Variants in OLFM3 observed in about 807,000 individuals in gnomAD.
OLFM3 encodes the protein olfactomedin 3.
A neutral mutation model predicts 48.6 loss-of-function variants in OLFM3; 20 were observed. That is an observed-to-expected ratio of 0.41 (90% CI 0.29 to 0.60). The LOEUF is 0.60. Ranked by LOEUF, OLFM3 falls within the 20% of genes least tolerant of loss-of-function variation. The probability of loss-of-function intolerance (pLI) is 0.28; values close to 1 mark genes in which losing one functional copy is unlikely to be tolerated. For synonymous variants in OLFM3, 222 were observed against 198.1 expected, an observed-to-expected ratio of 1.12 and a Z score of -1.01; for missense variants, 437 against 544.3, an observed-to-expected ratio of 0.80 and a Z score of 1.96.
chr1:101,970,079 G>C (rs954920021), intron 1 of OLFM3, among the ~76,000 whole-genome samples: 2 of 150,888 alleles, frequency 1.3e-5, no homozygotes, highest in African/African-American at 4.9e-5. Flanking sequence ...GCAGTGGCTT[G>C]ATCTCAGCTC....
chr1:101,850,203 T>C (rs910095360), intron 1 of OLFM3, among the ~76,000 whole-genome samples: 1 of 152,114 alleles, frequency 6.6e-6, no homozygotes. Context: ...TCACAAAAAA[T>C]GTGACCTGAC....
At chr1:101,894,525 A>G (rs929515849) in intron 1 of OLFM3, among the ~76,000 whole-genome samples, 1 of 152,306 alleles carries the variant, frequency 6.6e-6, no homozygotes, top group Admixed American at 6.5e-5. Flanking sequence ...ATTTTCCAGT[A>G]GATTGACTTT....
intron 1 of OLFM3, among the ~76,000 whole-genome samples, chr1:101,873,449 A>G (rs1467327787): frequency 6.6e-6 from 1 of 151,888 alleles, no homozygotes; most frequent in Non-Finnish European, 1.5e-5. Flanking sequence ...AGATAAACAT[A>G]TACATTATAA....
intron 4 of OLFM3, among the ~76,000 whole-genome samples, chr1:101,815,239 G>T (rs1244997137): frequency 6.6e-6 from 1 of 152,054 alleles, no homozygotes; most frequent in Non-Finnish European, 1.5e-5. Flanking sequence ...AAGGTCAGGA[G>T]ATCGAGACCA....
chr1:101,824,808 C>G (rs1462465826), intron 4 of OLFM3, among the ~76,000 whole-genome samples: 8 of 152,114 alleles, frequency 5.3e-5, no homozygotes, highest in African/African-American at 1.9e-4. Context: ...TTTGAAGCCA[C>G]CAAATGGTAA....
intron 1 of OLFM3, among the ~76,000 whole-genome samples, chr1:101,924,893 A>G (rs1659219709): frequency 6.6e-6 from 1 of 152,220 alleles, no homozygotes; most frequent in Non-Finnish European, 1.5e-5. Context: ...TCATAGATGA[A>G]TAAGCTACCC....
At chr1:101,979,799 G>C (rs1322084263) in intron 1 of OLFM3, among the ~76,000 whole-genome samples, 3 of 152,164 alleles carry the variant, frequency 2.0e-5, no homozygotes, top group Non-Finnish European at 2.9e-5. Context: ...CCCCCAGAAT[G>C]GTAGATCCCC....
chr1:101,860,693 T>C (rs1359464848), intron 1 of OLFM3, among the ~76,000 whole-genome samples: 4 of 152,096 alleles, frequency 2.6e-5, no homozygotes, highest in Admixed American at 1.3e-4. Context: ...TTTTACATGA[T>C]ATTAACTTCC....
intron 1 of OLFM3, among the ~76,000 whole-genome samples, chr1:101,973,258 G>A (rs1660860173): frequency 6.6e-6 from 1 of 152,196 alleles, no homozygotes; most frequent in Non-Finnish European, 1.5e-5. Context: ...GAACCAGGTG[G>A]GGTGCTGGTG....
intron 1 of OLFM3, among the ~76,000 whole-genome samples, chr1:101,957,340 A>G (rs1198099084): frequency 6.6e-6 from 1 of 151,998 alleles, no homozygotes; most frequent in Non-Finnish European, 1.5e-5. Context: ...CTACAAGTCA[A>G]TTTATATTTT....
At position 101,804,763 on chromosome 1, in the gene OLFM3, A is replaced by C. The variant is rs1398269464; in HGVS notation, c.852T>G (p.Phe284Leu). The C allele has an allele frequency of 6.2e-7, 1 of 1,612,686 alleles. No homozygotes were observed. The highest frequency in any genetic ancestry group is 1.7e-5 in the Admixed American group (1 of 59,824). ...NHVVYNGSLY[F>L]NKYQSNIIIK... is the part of the protein sequence containing the mutation. ...TGATGATATTACTCTGATACTTGTT[A>C]AAATAGAGTGAGCCATTGTAGACAA... The change falls in exon 6 of 6, where the codon TTT becomes TTG. Residue 284 changes from phenylalanine to leucine, a missense_variant. Physicochemically the swap from Phe to Leu is conservative, Grantham distance 22. This residue lies in a region of OLFM3 where 314 missense variants were observed against 365.5 expected (regional missense o/e 0.86). Coordinates refer to ENST00000370103, the MANE Select transcript of OLFM3 (RefSeq NM_058170.4). The surrounding 1 kb of genome is among the most constrained non-coding windows in gnomAD (Gnocchi z 4.5).
At chr1:101,992,048 T>C (rs888082698) in intron 1 of OLFM3, among the ~76,000 whole-genome samples, 1 of 152,154 alleles carries the variant, frequency 6.6e-6, no homozygotes, top group Non-Finnish European at 1.5e-5. Flanking sequence ...CTCCTCATTC[T>C]ATAGGTATGG....
At chr1:101,983,255 A>G (rs1007710571) in intron 1 of OLFM3, among the ~76,000 whole-genome samples, 1 of 152,198 alleles carries the variant, frequency 6.6e-6, no homozygotes, top group African/African-American at 2.4e-5. Flanking sequence ...TTGACTTCAT[A>G]CATGCTGTTG....
At position 101,804,893 on chromosome 1, in the gene OLFM3, G is replaced by A. The variant is rs751533668; in HGVS notation, c.722C>T (p.Thr241Ile). The A allele has an allele frequency of 6.2e-7, 1 of 1,610,968 alleles. No homozygotes were observed. The highest frequency in any genetic ancestry group is 1.7e-5 in the Admixed American group (1 of 59,762). ...GTATTCACGAACAATTTTATTGTTA[G>A]TATAACTGTCCATGTACCAGACCTG... ...NNRVWYMDSY[T>I]NNKIVREYKS... Residue 241 changes from threonine (T) to isoleucine (I), a missense_variant, in exon 6 of 6, where the codon ACT becomes ATT. By Grantham distance (89) the Thr-to-Ile change is moderately conservative. This residue lies in a region of OLFM3 where 314 missense variants were observed against 365.5 expected (regional missense o/e 0.86). Coordinates refer to ENST00000370103, the MANE Select transcript of OLFM3 (RefSeq NM_058170.4). This position sits in a 1 kb window ranked among gnomAD's most constrained non-coding sequence, Gnocchi z 4.5.
chr1:101,973,616 G>T (rs1250197534), intron 1 of OLFM3, among the ~76,000 whole-genome samples: 6 of 152,282 alleles, frequency 3.9e-5, no homozygotes, highest in Admixed American at 3.9e-4. Flanking sequence ...CCTGGGGGAA[G>T]AAGAAATAGT....
chr1:101,847,092 G>T (rs1293475749), intron 1 of OLFM3: 13 of 1,383,888 alleles, frequency 9.4e-6, no homozygotes, highest in Non-Finnish European at 1.2e-5. Flanking sequence ...AACTTCCCCA[G>T]CTCTAATCAC....
chr1:101,854,204 C>T (rs1467262984), intron 1 of OLFM3, among the ~76,000 whole-genome samples: 1 of 151,894 alleles, frequency 6.6e-6, no homozygotes, highest in South Asian at 2.1e-4. Context: ...ATCTGAGTCT[C>T]CTTTCACCCA....
At chr1:101,865,058 C>A (rs1656803497) in intron 1 of OLFM3, among the ~76,000 whole-genome samples, 1 of 152,192 alleles carries the variant, frequency 6.6e-6, no homozygotes, top group African/African-American at 2.4e-5. Context: ...AATTTCTTGG[C>A]TCAGACCTTC....
chr1:101,988,528 C>G (rs1405020580), intron 1 of OLFM3, among the ~76,000 whole-genome samples: 3 of 152,244 alleles, frequency 2.0e-5, no homozygotes, highest in African/African-American at 7.2e-5. Flanking sequence ...AGTCTTACTT[C>G]ACTGCCTCAG....
Sources: allele counts gnomAD v4.1 joint callset (sites outside exome capture counted in the v4.1 genomes callset), GRCh38; gene constraint gnomAD v4.1.1; regional missense constraint gnomAD v4.1.1; non-coding constraint Gnocchi (gnomAD v3.1); transcripts MANE v1.5; gene names NCBI Gene and HGNC (gene_info 2026-07-23, HGNC 2026-07-21).